The following METTL17 variants were observed in gnomAD, a reference collection of about 807,000 sequenced individuals.
The protein encoded by METTL17 is ribosome assembly protein METTL17, mitochondrial.
METTL17 carries 49 observed loss-of-function variants against 59.4 expected under a neutral mutation model. The ratio of observed to expected loss-of-function variants is 0.82; its 90% confidence interval spans 0.66 to 1.05. The LOEUF is 1.05. Ranked by LOEUF, METTL17 falls within the 50% of genes least tolerant of loss-of-function variation. The pLI is 0.00. For synonymous variants in METTL17, 208 were observed against 209.2 expected (o/e 0.99, Z 0.05); for missense variants, 555 against 578.4 (o/e 0.96, Z 0.41).
intron 9 of METTL17, 53 bp downstream of exon 9, chr14:20,994,954 C>T: frequency 7.1e-7 from 1 of 1,403,584 alleles, no homozygotes; most frequent in South Asian, 1.2e-5. Flanking sequence ...TCATGGATTT[C>T]ATGCCTTTGC....
intron 10 of METTL17, 126 bp downstream of exon 10, chr14:20,995,359 T>C: frequency 1.2e-6 from 1 of 819,980 alleles, no homozygotes; most frequent in Non-Finnish European, 2.0e-6. Context: ...TATGAAGTCA[T>C]TATGATACAG....
rs1172277133 is a variant in METTL17 at position 20,990,535 on chromosome 14, G to A, written c.301G>A (p.Val101Ile). 1 of 1,614,256 alleles carries A rather than the reference G, an allele frequency of 6.2e-7. No homozygotes were observed. The highest frequency in any genetic ancestry group is 8.5e-7 in the Non-Finnish European group (1 of 1,180,048). ...TSYLWSRHLP[V>I]EPEELQRRAR... ...TTATCTCTGGAGCAGACATTTGCCT[G>A]TAGAGCCAGAGGAGTTGCAAAGACG... The change falls in exon 3 of 14, where the codon GTA becomes ATA. Residue 101 changes from valine (V) to isoleucine (I), a missense_variant. Physicochemically the swap from Val to Ile is conservative, Grantham distance 29. Transcript: ENST00000339374.
At chr14:20,992,333 AG>A in intron 4 of METTL17, 128 bp downstream of exon 4, 1 of 752,210 alleles carries the variant, frequency 1.3e-6, no homozygotes, top group Admixed American at 2.9e-5. Context: ...GGATCAATTT[AG>A]TATTTGAAAA....
chr14:20,989,998 G>C lies in METTL17; in HGVS notation c.-5G>C. 1 of 1,587,870 alleles carries C rather than the reference G, an allele frequency of 6.3e-7. No individual in the cohort carries two copies. Among genetic ancestry groups the C allele is most frequent in the East Asian group, 2.3e-5 (1 of 44,368 alleles). ...TATTTCCGTTTCCGGTTCGCCTCCGGAGCCATGGCGGCGGCACTGAAGTGT... is the reference window on the plus strand; with the variant it reads ...TATTTCCGTTTCCGGTTCGCCTCCGCAGCCATGGCGGCGGCACTGAAGTGT... On this transcript the variant is annotated 5_prime_UTR_variant, in exon 1 of 14. Transcript: ENST00000339374.
At chr14:20,993,544 C>T (rs372152348) in intron 6 of METTL17, 97 of 255,316 alleles carry the variant, frequency 3.8e-4, no homozygotes, top group Non-Finnish European at 6.3e-4. Flanking sequence ...GGCACAATCT[C>T]GGCTCACTGC....
At chr14:20,992,661 A>G in intron 5 of METTL17, 39 bp downstream of exon 5, 3 of 1,456,662 alleles carry the variant, frequency 2.1e-6, no homozygotes, top group South Asian at 1.1e-5. Flanking sequence ...CTTTTTGACC[A>G]TCAGTTCCCT....
In METTL17 at chr14:20,990,241, CTTA is replaced by C. The variant is rs757119345; in HGVS notation, c.88_90del (p.Leu30del). On this transcript the variant is annotated inframe_deletion, in exon 2 of 14. Coordinates refer to ENST00000339374, the MANE Select transcript of METTL17 (RefSeq NM_022734.3). ...TTCTCTGCCTGCAGGCGCTCGCCGC[CTTA>C]GTACCCGGAGTGACCCAGGTAGATA... 14 of 1,614,234 alleles carry C rather than the reference CTTA, an allele frequency of 8.7e-6. No individual in the cohort carries two copies. The highest frequency in any genetic ancestry group is 1.2e-5 in the Non-Finnish European group (14 of 1,180,044).
rs375799989 is a variant in METTL17, at chr14:20,990,549, G to T, written c.315G>T (p.Glu105Asp). The change falls in exon 3 of 14, where the codon GAG (glutamate) becomes GAT (aspartate). Residue 105 changes from glutamate (E) to aspartate (D), a missense_variant. By Grantham distance (45) the Glu-to-Asp change is conservative. Coordinates refer to ENST00000339374, the MANE Select transcript of METTL17 (RefSeq NM_022734.3). ...GACATTTGCCTGTAGAGCCAGAGGA[G>T]TTGCAAAGACGGGCTAGGCATCTTG... ...WSRHLPVEPE[E>D]LQRRARHLEK... The T allele has an allele frequency of 6.2e-7, 1 of 1,614,138 alleles. No homozygotes were observed. The highest frequency in any genetic ancestry group is 8.5e-7 in the Non-Finnish European group (1 of 1,180,056).
At chr14:20,994,496 T>C (rs1224238385) in intron 7 of METTL17, 47 bp from the exon 8 acceptor site, 3 of 1,482,800 alleles carry the variant, frequency 2.0e-6, no homozygotes, top group East Asian at 2.3e-5. Context: ...CTTCAGTTTA[T>C]ACCTAACTTC....
chr14:20,992,675 C>A, intron 5 of METTL17, 53 bp downstream of exon 5: 1 of 1,371,368 alleles, frequency 7.3e-7, no homozygotes, highest in Non-Finnish European at 1.0e-6. Context: ...GTTCCCTATT[C>A]ATAAAGTAGT....
At chr14:20,996,434 A>T (rs1880378982) in intron 12 of METTL17, 93 bp from the exon 13 acceptor site, 2 of 1,502,342 alleles carry the variant, frequency 1.3e-6, no homozygotes, top group African/African-American at 1.4e-5. Context: ...TATACATTGT[A>T]AAAAAGGACT....
At position 20,994,072 on chromosome 14, in the gene METTL17, A is replaced by G. The variant is rs1566433151; in HGVS notation, c.697+9A>G. The G allele has an allele frequency of 6.2e-7, 1 of 1,606,632 alleles. No individual in the cohort carries two copies. Among genetic ancestry groups the G allele is most frequent in the Non-Finnish European group, 8.5e-7 (1 of 1,173,414 alleles). ...AGAAAAACTACTGAAAGGTGAGTGC[A>G]AGAGCACTTCCAAAGTTGAGGGAGT... On this transcript the variant is annotated intron_variant, in intron 7 of 13. Coordinates refer to ENST00000339374, the MANE Select transcript of METTL17 (RefSeq NM_022734.3).
chr14:20,995,304 G>T, intron 10 of METTL17, 71 bp downstream of exon 10: 2 of 1,384,088 alleles, frequency 1.4e-6, no homozygotes, highest in South Asian at 1.2e-5. Context: ...GAAAACGAAA[G>T]AGACTGTCAT....
At chr14:20,996,756 G>A (rs1444289408) in intron 13 of METTL17, 29 bp from the exon 14 acceptor site, 3 of 1,614,094 alleles carry the variant, frequency 1.9e-6, no homozygotes, top group Non-Finnish European at 2.5e-6. Context: ...GCAGGAAGCT[G>A]CAGCCCACGC....
chr14:20,993,946 T>C (rs770938561), intron 6 of METTL17, 23 bp from the exon 7 acceptor site: 2 of 1,588,760 alleles, frequency 1.3e-6, no homozygotes, highest in South Asian at 1.1e-5. Context: ...AATTGGTGAT[T>C]TATAATAATT....
At chr14:20,992,031 G>T in intron 3 of METTL17, 93 bp from the exon 4 acceptor site, 1 of 1,145,438 alleles carries the variant, frequency 8.7e-7, no homozygotes, top group Middle Eastern at 2.0e-4. Flanking sequence ...CTTAGGTGGA[G>T]TCGGGGAGGA....
At position 20,996,512 on chromosome 14, in the gene METTL17, T is replaced by C. The variant is rs770932110; in HGVS notation, c.1081-15T>C. On this transcript the variant is annotated splice_polypyrimidine_tract_variant and intron_variant, in intron 12 of 13. Transcript: ENST00000339374. ...ATCTTTTTCTTCTAAACAGTCTCTATGTTCCTTATCTTAGAACAAGAAACC... is the reference window on the plus strand; with the variant it reads ...ATCTTTTTCTTCTAAACAGTCTCTACGTTCCTTATCTTAGAACAAGAAACC... 3.1e-6 allele frequency: 5 copies of C among 1,605,262 alleles called. No individual in the cohort carries two copies. The Admixed American group carries it at 5.0e-5, about 16-fold the overall frequency.
intron 5 of METTL17, 195 bp from the exon 6 acceptor site, chr14:20,992,923 T>C: frequency 1.6e-6 from 1 of 614,438 alleles, no homozygotes; most frequent in Non-Finnish European, 2.9e-6. Context: ...CTCTTTATCC[T>C]GTGAAAGCTT....
intron 4 of METTL17, 163 bp from the exon 5 acceptor site, chr14:20,992,378 G>T: frequency 1.4e-6 from 1 of 736,128 alleles, no homozygotes; most frequent in Non-Finnish European, 2.2e-6. Flanking sequence ...ACTGAAGTTT[G>T]AAAATTTAGT....
Sources: gnomAD v4.1 joint callset for allele counts on GRCh38, gnomAD v4.1.1 for gene constraint, MANE v1.5 for transcripts, NCBI Gene and HGNC (gene_info 2026-07-23, HGNC 2026-07-21) for gene names.